The following DLGAP1 variants were observed in gnomAD, a reference collection of about 807,000 sequenced individuals.
DLGAP1 encodes the protein disks large-associated protein 1.
In DLGAP1, 11 loss-of-function variants were observed where a neutral mutation model predicts 90.8. The observed-to-expected ratio is 0.12, with a 90% CI of 0.08 to 0.20. The LOEUF (loss-of-function observed/expected upper bound fraction) is 0.20, where lower values mean the gene tolerates loss of function less well. Ranked by LOEUF, DLGAP1 falls within the 10% of genes least tolerant of loss-of-function variation. DLGAP1 has a pLI of 1.00. For synonymous variants in DLGAP1, 558 were observed against 540.7 expected, an observed-to-expected ratio of 1.03 and a Z score of -0.44; for missense variants, 1,050 against 1,333.8, an observed-to-expected ratio of 0.79 and a Z score of 3.31.
intron 5 of DLGAP1, among the ~76,000 whole-genome samples, chr18:3,795,721 C>T (rs911012424): frequency 1.3e-5 from 2 of 152,096 alleles, no homozygotes; most frequent in Admixed American, 6.6e-5. Context: ...TGGGCCCATG[C>T]GATCCTCCCA....
intron 7 of DLGAP1, among the ~76,000 whole-genome samples, chr18:3,617,461 G>A (rs760956329): frequency 6.6e-5 from 10 of 151,862 alleles, no homozygotes; most frequent in Non-Finnish European, 1.2e-4. Flanking sequence ...TTAGCTGGGC[G>A]TGGTGGTGGG....
intron 3 of DLGAP1, among the ~76,000 whole-genome samples, chr18:3,905,387 A>C (rs1286944621): frequency 6.7e-6 from 1 of 149,792 alleles, no homozygotes; most frequent in African/African-American, 2.4e-5. Flanking sequence ...AAAAAAAAAA[A>C]AAAAAGAAAA....
At chr18:4,117,768 G>A (rs2076085976) in intron 2 of DLGAP1, among the ~76,000 whole-genome samples, 1 of 152,164 alleles carries the variant, frequency 6.6e-6, no homozygotes, top group Non-Finnish European at 1.5e-5. Context: ...GGACTTTCAG[G>A]CTGCCAGGGA....
At position 3,729,477 on chromosome 18, in the gene DLGAP1, C is replaced by T. The variant is rs62083232; in HGVS notation, c.1351-102G>A. 7.5e-3 allele frequency: 11,045 copies of T among 1,477,280 alleles called. 82 individuals are homozygous for T. The highest frequency in any genetic ancestry group is 0.018 in the South Asian group (1,357 of 73,840). 91.5% of individuals were successfully genotyped at this position (1,477,280 alleles called of 1,614,324 possible). A position where few individuals can be genotyped will look rare whatever the true frequency, so the allele number is the denominator to read the frequency against. ...CAATCCCCAGAAGAAAAAGCAGCGT[C>T]TGGTTAGATTAAGCTCAAATGCATT... On this transcript the variant is annotated intron_variant, in intron 6 of 12. Transcript: ENST00000315677. This position sits in a 1 kb window ranked among gnomAD's most constrained non-coding sequence, Gnocchi z 6.2.
chr18:3,922,278 GT>G (rs1206924336), intron 3 of DLGAP1, among the ~76,000 whole-genome samples: 3 of 152,178 alleles, frequency 2.0e-5, no homozygotes, highest in Non-Finnish European at 4.4e-5. Flanking sequence ...GGAAAAACAG[GT>G]TTGACAATTA....
At chr18:3,912,496 C>T (rs574508059) in intron 3 of DLGAP1, among the ~76,000 whole-genome samples, 1 of 152,216 alleles carries the variant, frequency 6.6e-6, no homozygotes, top group South Asian at 2.1e-4. Context: ...GGGAACAAAC[C>T]AAATACAAAG....
At chr18:3,763,496 G>T (rs910194238) in intron 5 of DLGAP1, among the ~76,000 whole-genome samples, 1 of 151,914 alleles carries the variant, frequency 6.6e-6, no homozygotes, top group African/African-American at 2.4e-5. Flanking sequence ...TATTAGTTCT[G>T]TCTCTCTAGA....
intron 1 of DLGAP1, among the ~76,000 whole-genome samples, chr18:4,167,066 A>G (rs1463794353): frequency 6.6e-6 from 1 of 152,222 alleles, no homozygotes; most frequent in Non-Finnish European, 1.5e-5. Flanking sequence ...AGACACTACA[A>G]ATTAATCAAG....
At chr18:4,397,013 A>G (rs1203205978) in intron 1 of DLGAP1, among the ~76,000 whole-genome samples, 1 of 152,234 alleles carries the variant, frequency 6.6e-6, no homozygotes, top group Non-Finnish European at 1.5e-5. Flanking sequence ...CTCTGGAGCC[A>G]GACACACCTG....
At chr18:4,052,031 C>A (rs1203148657) in intron 2 of DLGAP1, among the ~76,000 whole-genome samples, 1 of 152,232 alleles carries the variant, frequency 6.6e-6, no homozygotes, top group South Asian at 2.1e-4. Context: ...GGCAGCTCTG[C>A]CCCTGTGGCT....
At position 3,578,501 on chromosome 18, in the gene DLGAP1, C is replaced by T. The variant is rs557845846; in HGVS notation, c.1965+3374G>A. Among the ~76,000 whole-genome samples the T allele has an allele frequency of 5.3e-3, 809 of 151,866 alleles. 7 individuals carry two copies. The highest frequency in any genetic ancestry group is 0.019 in the African/African-American group (777 of 41,380). ...CCTCCCAAGCAGCTGGGACTACAGG[C>T]GTGTGCCACCACACCCAGCTAATTT... On this transcript the variant is annotated intron_variant, in intron 8 of 12. Transcript: ENST00000315677.
chr18:3,962,489 T>C (rs528651158), intron 3 of DLGAP1: 3 of 152,356 alleles, frequency 2.0e-5, no homozygotes, highest in African/African-American at 7.2e-5. Context: ...TTCATATATT[T>C]ATTTATATGT....
At chr18:4,008,579 A>G (rs1417893008) in intron 2 of DLGAP1, among the ~76,000 whole-genome samples, 1 of 152,190 alleles carries the variant, frequency 6.6e-6, no homozygotes, top group African/African-American at 2.4e-5. Context: ...CATCTGTCTA[A>G]AAATGAAAAT....
chr18:3,527,536 G>A (rs2051721511), intron 10 of DLGAP1, among the ~76,000 whole-genome samples: 1 of 148,462 alleles, frequency 6.7e-6, no homozygotes, highest in South Asian at 2.1e-4. Flanking sequence ...TTTAGCTGCT[G>A]CTGCCTATTT....
chr18:3,766,263 G>A (rs1410853988), intron 5 of DLGAP1, among the ~76,000 whole-genome samples: 1 of 152,132 alleles, frequency 6.6e-6, no homozygotes, highest in Non-Finnish European at 1.5e-5. Flanking sequence ...TATATCATGG[G>A]TTAATTCATC....
chr18:3,511,709 G>A (rs887261468), intron 10 of DLGAP1, among the ~76,000 whole-genome samples: 4 of 152,124 alleles, frequency 2.6e-5, no homozygotes, highest in African/African-American at 4.8e-5. Context: ...GGGATTACAG[G>A]TATGAGCCAC....
At chr18:4,198,304 C>A (rs956476575) in intron 1 of DLGAP1, among the ~76,000 whole-genome samples, 1 of 152,070 alleles carries the variant, frequency 6.6e-6, no homozygotes, top group African/African-American at 2.4e-5. Flanking sequence ...ATGGTCATGG[C>A]CTATTTGAGA....
intron 6 of DLGAP1, among the ~76,000 whole-genome samples, chr18:3,737,989 CAGAG>C (rs1362891954): frequency 3.3e-5 from 5 of 150,620 alleles, no homozygotes; most frequent in African/African-American, 9.8e-5. Flanking sequence ...AACAGACAAA[CAGAG>C]AGCCAAATCA....
chr18:3,698,819 T>C (rs2061181040), intron 7 of DLGAP1, among the ~76,000 whole-genome samples: 1 of 152,180 alleles, frequency 6.6e-6, no homozygotes, highest in Non-Finnish European at 1.5e-5. Flanking sequence ...GTCCCATATT[T>C]CTTGGAGGCT....
Sources: gnomAD v4.1 joint callset for allele counts (sites outside exome capture counted in the v4.1 genomes callset) on GRCh38, gnomAD v4.1.1 for gene constraint, Gnocchi (gnomAD v3.1) non-coding constraint, MANE v1.5 for transcripts, NCBI Gene and HGNC (gene_info 2026-07-23, HGNC 2026-07-21) for gene names.